Variants in CD101 observed in about 807,000 individuals in gnomAD.
CD101 encodes the protein CD101 molecule, also known as immunoglobulin superfamily member 2.
In CD101, 76 loss-of-function variants were observed where a neutral mutation model predicts 98.2. The observed-to-expected ratio is 0.77, with a 90% CI of 0.64 to 0.94. CD101 has a LOEUF of 0.94. Among genes scored for constraint, CD101 ranks in the 40% least tolerant of loss-of-function variants. CD101 has a pLI of 0.00. For synonymous variants in CD101, 471 were observed against 472.7 expected, an observed-to-expected ratio of 1.00 and a Z score of 0.05; for missense variants, 1,145 against 1,218.8, an observed-to-expected ratio of 0.94 and a Z score of 0.90.
Position 117,036,223 on chromosome 1 carries a change from G to GAACCAGC in CD101, c.*89_*90insAACCAGC, listed in dbSNP as rs1654818999. ...GCCCCGTGTGGAATGTGGTGACCTA[G>GAACCAGC]TCACCTGGAACCAGCTCCTGACAGA... is the stretch of plus-strand genomic sequence containing the variant. On this transcript the variant is annotated 3_prime_UTR_variant, in exon 10 of 10. Transcript: ENST00000682167. This position sits in a 1 kb window ranked among gnomAD's most constrained non-coding sequence, Gnocchi z 5.0. 1 of 152,254 alleles carries GAACCAGC rather than the reference G, an allele frequency of 6.6e-6. No individual in the cohort carries two copies. 9.4% of individuals were successfully genotyped at this position (152,254 alleles called of 1,614,324 possible). A position where few individuals can be genotyped will look rare whatever the true frequency, so the allele number is the denominator to read the frequency against.
chr1:117,017,835 G>A (rs1264863181), intron 5 of CD101, among the ~76,000 whole-genome samples: 1 of 152,168 alleles, frequency 6.6e-6, no homozygotes, highest in Admixed American at 6.5e-5. Context: ...CCACGCATGG[G>A]GGTAAGGGAA....
rs17235752 is a variant in CD101 at position 117,013,543 on chromosome 1, G to T, written c.979G>T (p.Ala327Ser). The T allele has an allele frequency of 6.2e-7, 1 of 1,614,200 alleles. No homozygotes were observed. Among genetic ancestry groups the T allele is most frequent in the Admixed American group, 1.7e-5 (1 of 60,014 alleles). The stretch of plus-strand genomic sequence containing the variant: ...TTGGTTCTTCAATGGGACTGAAATT[G>T]CTCACATTGATGCTGGTGGAGTCCT... Reference protein sequence around the residue: ...GIWFFNGTEIAHIDAGGVLGL... With the variant: ...GIWFFNGTEISHIDAGGVLGL... Residue 327 changes from alanine to serine, a missense_variant, in exon 4 of 10, where the codon GCT (alanine) becomes TCT (serine). By Grantham distance (99) the Ala-to-Ser change is moderately conservative. Coordinates refer to ENST00000682167, the MANE Select transcript of CD101 (RefSeq NM_001256106.3).
intron 8 of CD101, chr1:117,026,466 C>T (rs1255055151): frequency 6.6e-6 from 1 of 152,318 alleles, no homozygotes; most frequent in African/African-American, 2.4e-5. Context: ...CATTGTTTTT[C>T]CCTGTTCATT....
chr1:117,018,435 C>G lies in CD101; in HGVS notation c.1892C>G (p.Thr631Ser), dbSNP rs34510762. 6.2e-7 allele frequency: 1 copy of G among 1,614,198 alleles called. No homozygotes were observed. The highest frequency in any genetic ancestry group is 8.5e-7 in the Non-Finnish European group (1 of 1,180,048). ...FRSQLLVHDATEEETGVYQCE... is the reference protein window; with the variant it reads ...FRSQLLVHDASEEETGVYQCE... The stretch of plus-strand genomic sequence containing the variant: ...TCACAACTCCTAGTCCATGATGCCA[C>G]TGAGGAAGAGACAGGAGTGTATCAG... Residue 631 changes from threonine (T) to serine (S), a missense_variant, in exon 6 of 10, where the codon ACT (threonine) becomes AGT (serine). Coordinates refer to ENST00000682167, the MANE Select transcript of CD101 (RefSeq NM_001256106.3). The surrounding 1 kb of genome is among the most constrained non-coding windows in gnomAD (Gnocchi z 4.3).
At chr1:117,017,610 C>G in intron 5 of CD101, 137 bp downstream of exon 5, 1 of 800,890 alleles carries the variant, frequency 1.2e-6, no homozygotes, top group Non-Finnish European at 1.9e-6. Flanking sequence ...CTCTGGCTAC[C>G]CTCTCTGTCA....
Position 117,034,645 on chromosome 1 carries a change from C to T in CD101, c.*33+511C>T, listed in dbSNP as rs79223638. On this transcript the variant is annotated intron_variant, in intron 9 of 9. Coordinates refer to ENST00000682167, the MANE Select transcript of CD101 (RefSeq NM_001256106.3). ...AATTCAATTTTCTTCTCCCAGCCCA[C>T]CTACAAAGGCCCACTCAAGAGCAAG... Among the ~76,000 whole-genome samples, 449 of 152,328 alleles carry T rather than the reference C, an allele frequency of 2.9e-3. 4 individuals carry two copies. Among genetic ancestry groups the T allele is most frequent in the African/African-American group, 1.0e-2 (415 of 41,574 alleles).
rs11337228 is a variant in CD101, at chr1:117,035,549, CTT to C, written c.*34-602_*34-601del. On this transcript the variant is annotated intron_variant, in intron 9 of 9. Coordinates refer to ENST00000682167, the MANE Select transcript of CD101 (RefSeq NM_001256106.3). The stretch of plus-strand genomic sequence containing the variant: ...ACAAACAACAAAGCTGAAATGAAGA[CTT>C]TTTTTTTTTTTTTTTTGAGATGAAG... 8.8e-3 allele frequency among the ~76,000 whole-genome samples: 1,196 copies of C among 136,568 alleles called. 19 individuals carry two copies. The highest frequency in any genetic ancestry group is 0.03 in the African/African-American group (1,123 of 37,122). The allele number at this position is 136,568 out of a possible 152,430, so 89.6% of individuals were successfully genotyped here. A position where few individuals can be genotyped will look rare whatever the true frequency, so the allele number is the denominator to read the frequency against.
chr1:117,010,149 G>T lies in CD101; in HGVS notation c.343G>T (p.Asp115Tyr). The T allele has an allele frequency of 6.2e-7, 1 of 1,614,182 alleles. No homozygotes were observed. Among genetic ancestry groups the T allele is most frequent in the South Asian group, 1.1e-5 (1 of 91,088 alleles). The change falls in exon 2 of 10, where the codon GAT (aspartate) becomes TAT (tyrosine). Residue 115 changes from aspartate (D) to tyrosine (Y), a missense_variant. Asp to Tyr is a radical substitution (Grantham distance 160). Transcript: ENST00000682167. This position sits in a 1 kb window ranked among gnomAD's most constrained non-coding sequence, Gnocchi z 5.2. ...LLHISKLQMK[D>Y]AGEYECHTPN... ...GCACATCTCAAAACTCCAGATGAAG[G>T]ATGCTGGCGAGTATGAGTGTCACAC...
intron 8 of CD101, chr1:117,026,871 T>C (rs975191638): frequency 6.6e-6 from 1 of 152,096 alleles, no homozygotes; most frequent in Non-Finnish European, 1.5e-5. Context: ...TTGAGGGTAA[T>C]TAATGTTGAG....
intron 7 of CD101, 102 bp from the exon 8 acceptor site, chr1:117,025,407 C>A: frequency 1.0e-6 from 1 of 1,000,810 alleles, no homozygotes; most frequent in Non-Finnish European, 1.4e-6. Context: ...GCACTGATGT[C>A]TAAAGAATAT....
intron 8 of CD101, among the ~76,000 whole-genome samples, chr1:117,029,139 GA>G (rs1171899660): frequency 5.3e-5 from 4 of 75,380 alleles, no homozygotes; most frequent in Admixed American, 4.1e-4. Flanking sequence ...CAGAAAGAAA[GA>G]AAGAAAGAAA....
chr1:117,017,011 T>C, intron 4 of CD101, 79 bp from the exon 5 acceptor site: 1 of 1,478,120 alleles, frequency 6.8e-7, no homozygotes, highest in Non-Finnish European at 9.1e-7. Flanking sequence ...AAGTCCTAAT[T>C]AATGAAATTT....
chr1:117,020,326 C>T (rs1346685416), intron 6 of CD101, among the ~76,000 whole-genome samples: 2 of 152,102 alleles, frequency 1.3e-5, no homozygotes, highest in African/African-American at 4.8e-5. Context: ...GGCAGATCAC[C>T]TGAAGTCAGG....
chr1:117,026,308 C>G (rs1653925638), intron 8 of CD101: 2 of 175,784 alleles, frequency 1.1e-5, no homozygotes, highest in African/African-American at 4.7e-5. Context: ...AAGAGACCAG[C>G]TAGCTTTAGT....
At chr1:117,014,963 T>C (rs1010767) in intron 4 of CD101, among the ~76,000 whole-genome samples, 9,279 of 152,330 alleles carry the variant, frequency 0.061, 325 homozygotes, top group Non-Finnish European at 0.07. Context: ...TTCTGCTTTA[T>C]GCATCTCAGC....
chr1:117,018,497 A>T lies in CD101; in HGVS notation c.1954A>T (p.Asn652Tyr). 6.2e-7 allele frequency: 1 copy of T among 1,613,836 alleles called. No individual in the cohort carries two copies. Among genetic ancestry groups the T allele is most frequent in the Non-Finnish European group, 8.5e-7 (1 of 1,179,714 alleles). ...VEVYDRNSLY[N>Y]NRPPRASAIS... ...AGTTTATGACAGAAATTCCCTATACAACAACCGCCCCCCGAGGGCTTCTGC... is the reference window on the plus strand; with the variant it reads ...AGTTTATGACAGAAATTCCCTATACTACAACCGCCCCCCGAGGGCTTCTGC... Residue 652 changes from asparagine (N) to tyrosine (Y), a missense_variant, in exon 6 of 10, where the codon AAC becomes TAC. Asn to Tyr is a moderately radical substitution (Grantham distance 143). Transcript: ENST00000682167. This position sits in a 1 kb window ranked among gnomAD's most constrained non-coding sequence, Gnocchi z 4.3.
At position 117,022,419 on chromosome 1, in the gene CD101, A is replaced by G. The variant is rs1324976580; in HGVS notation, c.2428+436A>G. Reference sequence around the variant, plus strand: ...GGATGTGTGGAGAAATTGCTTCTCAACATTTAGCTGCCTAAACATAAGGCA... The same window carrying G: ...GGATGTGTGGAGAAATTGCTTCTCAGCATTTAGCTGCCTAAACATAAGGCA... On this transcript the variant is annotated intron_variant, in intron 7 of 9. Transcript: ENST00000682167. This position sits in a 1 kb window ranked among gnomAD's most constrained non-coding sequence, Gnocchi z 4.8. Among the ~76,000 whole-genome samples, 1 of 152,212 alleles carries G rather than the reference A, an allele frequency of 6.6e-6. No individual in the cohort carries two copies. The highest frequency in any genetic ancestry group is 2.4e-5 in the African/African-American group (1 of 41,456).
chr1:117,014,495 C>T (rs893256681), intron 4 of CD101, among the ~76,000 whole-genome samples: 13 of 152,136 alleles, frequency 8.5e-5, no homozygotes, highest in Non-Finnish European at 1.3e-4. Flanking sequence ...TTCTGAATGT[C>T]TGCATGCACG....
intron 8 of CD101, among the ~76,000 whole-genome samples, chr1:117,029,148 A>AAAG (rs1654166054): frequency 2.1e-5 from 2 of 95,058 alleles, no homozygotes; most frequent in South Asian, 6.3e-4. Context: ...AGAAAGAAAG[A>AAAG]AAGAAAGAAA....
Sources: allele counts gnomAD v4.1 joint callset (sites outside exome capture counted in the v4.1 genomes callset), GRCh38; gene constraint gnomAD v4.1.1; non-coding constraint Gnocchi (gnomAD v3.1); transcripts MANE v1.5; gene names NCBI Gene and HGNC (gene_info 2026-07-23, HGNC 2026-07-21).